The following EXOC6B variants were observed in gnomAD, a reference collection of about 807,000 sequenced individuals.
EXOC6B encodes exocyst complex component 6B.
EXOC6B carries 54 observed loss-of-function variants against 113.5 expected under a neutral mutation model. The ratio of observed to expected loss-of-function variants is 0.48; its 90% CI spans 0.38 to 0.60. The LOEUF is 0.60. EXOC6B is among the 20% of genes least tolerant of loss of function. The probability of loss-of-function intolerance (pLI) is 0.00; values close to 1 mark genes in which losing one functional copy is unlikely to be tolerated. For missense variants in EXOC6B, 797 were observed against 977.5 expected (o/e 0.82, Z 2.46); for synonymous variants, 357 against 339.0 (o/e 1.05, Z -0.58).
chr2:72,444,935 T>C (rs895311756), intron 18 of EXOC6B, among the ~76,000 whole-genome samples: 2 of 152,220 alleles, frequency 1.3e-5, no homozygotes, highest in Non-Finnish European at 2.9e-5. Flanking sequence ...TCATTTCTAA[T>C]GCAAATTTCT....
intron 1 of EXOC6B, among the ~76,000 whole-genome samples, chr2:72,760,204 T>C (rs1682659300): frequency 6.6e-6 from 1 of 152,152 alleles, no homozygotes; most frequent in Non-Finnish European, 1.5e-5. Context: ...TCACAGATGC[T>C]CCACCAAAAA....
At chr2:72,496,619 A>G in intron 13 of EXOC6B, 60 bp from the exon 14 acceptor site, 1 of 699,990 alleles carries the variant, frequency 1.4e-6, no homozygotes, top group Admixed American at 2.2e-5. Context: ...GGGGTAGGGG[A>G]GGGGAACAGA....
At chr2:72,807,856 A>T (rs1685666358) in intron 1 of EXOC6B, among the ~76,000 whole-genome samples, 1 of 150,402 alleles carries the variant, frequency 6.6e-6, no homozygotes, top group Non-Finnish European at 1.5e-5. Flanking sequence ...AAAAAAAAAA[A>T]TCAAAAGAAT....
chr2:72,247,071 T>C (rs1262193923), intron 20 of EXOC6B, among the ~76,000 whole-genome samples: 1 of 152,168 alleles, frequency 6.6e-6, no homozygotes, highest in Non-Finnish European at 1.5e-5. Context: ...TAGAAGAGGG[T>C]AACAAAATCT....
chr2:72,733,401 G>A (rs1373307501), intron 2 of EXOC6B, among the ~76,000 whole-genome samples: 1 of 151,952 alleles, frequency 6.6e-6, no homozygotes, highest in Non-Finnish European at 1.5e-5. Flanking sequence ...CTTTAACTTT[G>A]GGGAGACAAG....
Position 72,379,876 on chromosome 2 carries a change from A to T in EXOC6B, c.1981-6T>A, listed in dbSNP as rs1284240813. The T allele has an allele frequency of 1.0e-5, 16 of 1,600,762 alleles. No individual in the cohort carries two copies. The highest frequency in any genetic ancestry group is 1.4e-5 in the Non-Finnish European group (16 of 1,173,080). The stretch of plus-strand genomic sequence containing the variant: ...GCTGTCTGGGCCACCTTTCCCTGAA[A>T]CACAAGAGTGTAAATCATAAAGTTA... On this transcript the variant is annotated splice_polypyrimidine_tract_variant and splice_region_variant and intron_variant, in intron 18 of 21. Transcript: ENST00000272427.
chr2:72,537,188 G>A (rs1346459850), intron 8 of EXOC6B, among the ~76,000 whole-genome samples: 1 of 151,930 alleles, frequency 6.6e-6, no homozygotes. Flanking sequence ...CTTTGTCCTA[G>A]CATTTGTCTT....
intron 6 of EXOC6B, among the ~76,000 whole-genome samples, chr2:72,684,810 G>A (rs1374111894): frequency 1.3e-5 from 2 of 152,158 alleles, no homozygotes; most frequent in African/African-American, 4.8e-5. Flanking sequence ...CCATGGGGAG[G>A]CAAGGGGAGA....
intron 19 of EXOC6B, among the ~76,000 whole-genome samples, chr2:72,368,198 C>T (rs1415580907): frequency 6.6e-6 from 1 of 152,138 alleles, no homozygotes. Flanking sequence ...ACTGATCCCA[C>T]AGAAATACAA....
chr2:72,494,538 T>C (rs1408606000), intron 15 of EXOC6B, among the ~76,000 whole-genome samples: 1 of 152,142 alleles, frequency 6.6e-6, no homozygotes, highest in African/African-American at 2.4e-5. Context: ...TCCCCAACTA[T>C]GTTTATTTTC....
At chr2:72,259,332 A>C (rs1683562254) in intron 20 of EXOC6B, among the ~76,000 whole-genome samples, 1 of 152,200 alleles carries the variant, frequency 6.6e-6, no homozygotes, top group African/African-American at 2.4e-5. Context: ...TGTTTTAGAA[A>C]TGTGTCCGTG....
intron 20 of EXOC6B, among the ~76,000 whole-genome samples, chr2:72,290,298 T>C (rs1441987059): frequency 1.3e-5 from 2 of 152,234 alleles, no homozygotes; most frequent in Admixed American, 1.3e-4. Flanking sequence ...TTATAGACTC[T>C]TGTTTCGGTT....
intron 1 of EXOC6B, among the ~76,000 whole-genome samples, chr2:72,748,800 G>T (rs1366838222): frequency 6.6e-6 from 1 of 151,964 alleles, no homozygotes; most frequent in Admixed American, 6.6e-5. Flanking sequence ...TAGCCAAAGG[G>T]CCTACTAAAA....
chr2:72,177,465 T>G lies in EXOC6B; in HGVS notation c.*1870A>C, dbSNP rs1372675782. 6.6e-6 allele frequency: 1 copy of G among 152,258 alleles called. No individual in the cohort carries two copies. Among genetic ancestry groups the G allele is most frequent in the Non-Finnish European group, 1.5e-5 (1 of 68,054 alleles). 9.4% of individuals were successfully genotyped at this position (152,258 alleles called of 1,614,324 possible). The stretch of plus-strand genomic sequence containing the variant: ...CGTTTCTCACTTGTTTCAACAAAGA[T>G]GAGAGCTTGGCGATGCCATTTTGGC... On this transcript the variant is annotated 3_prime_UTR_variant, in exon 22 of 22. Transcript: ENST00000272427.
chr2:72,766,060 G>A (rs932133429), intron 1 of EXOC6B, among the ~76,000 whole-genome samples: 6 of 152,182 alleles, frequency 3.9e-5, no homozygotes, highest in Non-Finnish European at 8.8e-5. Flanking sequence ...AAAAGACTCA[G>A]AGAAGCCAAC....
chr2:72,569,899 T>C (rs1024712547), intron 7 of EXOC6B, among the ~76,000 whole-genome samples: 2 of 152,182 alleles, frequency 1.3e-5, no homozygotes, highest in East Asian at 1.9e-4. Context: ...AGAAATTACA[T>C]AATTTGTCCC....
chr2:72,292,411 C>T (rs1685856259), intron 20 of EXOC6B, among the ~76,000 whole-genome samples: 1 of 151,980 alleles, frequency 6.6e-6, no homozygotes, highest in African/African-American at 2.4e-5. Context: ...AGGGAGGTTC[C>T]CCTGATGATA....
At chr2:72,607,067 C>A (rs528412725) in intron 6 of EXOC6B, among the ~76,000 whole-genome samples, 2 of 152,090 alleles carry the variant, frequency 1.3e-5, no homozygotes, top group Non-Finnish European at 2.9e-5. Context: ...TATTGCCATT[C>A]TCAGAACAGT....
chr2:72,641,700 AAG>A (rs1190927451), intron 6 of EXOC6B, among the ~76,000 whole-genome samples: 3 of 152,232 alleles, frequency 2.0e-5, no homozygotes, highest in Admixed American at 6.5e-5. Context: ...GACAGCTCTA[AAG>A]AGAGCTGTGT....
Sources: allele counts gnomAD v4.1 joint callset (sites outside exome capture counted in the v4.1 genomes callset), GRCh38; gene constraint gnomAD v4.1.1; transcripts MANE v1.5; gene names NCBI Gene and HGNC (gene_info 2026-07-23, HGNC 2026-07-21).